Variants in MYO18B observed in about 807,000 individuals in gnomAD.
The protein encoded by MYO18B is unconventional myosin-XVIIIb.
MYO18B carries 204 observed loss-of-function variants against 273.0 expected under a neutral mutation model. That is an observed-to-expected ratio of 0.75 (90% CI 0.67 to 0.84). The LOEUF (loss-of-function observed/expected upper bound fraction) is 0.84, where lower values mean the gene tolerates loss of function less well. Ranked by LOEUF, MYO18B falls within the 40% of genes least tolerant of loss-of-function variation. The probability of loss-of-function intolerance (pLI) is 0.00; values close to 1 mark genes in which losing one functional copy is unlikely to be tolerated. For missense variants in MYO18B, 3,212 were observed against 3,287.6 expected (o/e 0.98, Z 0.56); for synonymous variants, 1,330 against 1,305.7 (o/e 1.02, Z -0.40).
Position 25,790,607 on chromosome 22 carries a change from G to A in MYO18B, c.2376+5116G>A, listed in dbSNP as rs140346699. ...TAGCACTCAGCCAGGCATACAGCAA[G>A]TGCTCAGTAAAGGTATGTTGAGTAA... On this transcript the variant is annotated intron_variant, in intron 11 of 43. Coordinates refer to ENST00000335473, the MANE Select transcript of MYO18B (RefSeq NM_032608.7). 9.8e-5 allele frequency among the ~76,000 whole-genome samples: 15 copies of A among 152,350 alleles called. 2 individuals carry two copies. The East Asian group carries it at 2.9e-3, about 29-fold the overall frequency.
rs548471382 is a variant in MYO18B, at chr22:25,952,164, C to T, written c.5833-122C>T. ...GTGCAGACATTTAACATGCAGCACA[C>T]CTGAGTAGAGAAGGAGGTGGTGTGA... On this transcript the variant is annotated intron_variant, in intron 37 of 43. Transcript: ENST00000335473. 20 of 1,126,208 alleles carry T rather than the reference C, an allele frequency of 1.8e-5. No individual in the cohort carries two copies. The East Asian group carries it at 5.2e-4, about 29-fold the overall frequency. The allele number at this position is 1,126,208 out of a possible 1,614,324, so 69.8% of individuals were successfully genotyped here.
At chr22:25,853,426 C>T (rs1283437766) in intron 21 of MYO18B, among the ~76,000 whole-genome samples, 6 of 152,222 alleles carry the variant, frequency 3.9e-5, no homozygotes, top group Non-Finnish European at 8.8e-5. Flanking sequence ...GAGGGGACAT[C>T]ACCCCCAGAT....
chr22:25,899,918 C>T (rs971371291), intron 29 of MYO18B: 3 of 152,104 alleles, frequency 2.0e-5, no homozygotes, highest in African/African-American at 7.3e-5. Flanking sequence ...CCATCATTCC[C>T]CAAGTTTCTC....
intron 37 of MYO18B, among the ~76,000 whole-genome samples, chr22:25,951,878 T>C (rs882432): frequency 0.83 from 125,815 of 152,160 alleles, 52,958 homozygotes; most frequent in Middle Eastern, 0.96. Flanking sequence ...ACTGACTTTC[T>C]CAGACTCACA....
At chr22:25,974,601 A>G (rs2093069264) in intron 39 of MYO18B, among the ~76,000 whole-genome samples, 1 of 152,228 alleles carries the variant, frequency 6.6e-6, no homozygotes, top group Non-Finnish European at 1.5e-5. Flanking sequence ...TCATTATAGC[A>G]TGAAAGAAGC....
At chr22:25,981,211 C>T (rs1009533041) in intron 39 of MYO18B, among the ~76,000 whole-genome samples, 6 of 152,238 alleles carry the variant, frequency 3.9e-5, no homozygotes, top group African/African-American at 1.2e-4. Flanking sequence ...GGGATTAAGA[C>T]TTCAACCTGT....
intron 34 of MYO18B, among the ~76,000 whole-genome samples, chr22:25,942,596 G>T (rs956574035): frequency 1.3e-5 from 2 of 152,216 alleles, no homozygotes; most frequent in African/African-American, 4.8e-5. Flanking sequence ...GACCAGCTCT[G>T]TGATGGTGAA....
At position 25,768,468 on chromosome 22, in the gene MYO18B, C is replaced by T. The variant is rs1238038961; in HGVS notation, c.552C>T (p.Ala184=). 6.2e-7 allele frequency: 1 copy of T among 1,602,630 alleles called. No individual in the cohort carries two copies. Among genetic ancestry groups the T allele is most frequent in the Admixed American group, 1.7e-5 (1 of 59,396 alleles). ...CCCCTTGCAAGACCTCTCCCCCCGC[C>T]ACAGATACTGGAAAGGAAAAGAAAG... The part of the protein sequence containing the change: ...DAPPCKTSPP[A]TDTGKEKKGE... The change falls in exon 4 of 44, where the codon GCC becomes GCT. Residue 184 remains alanine (A), a synonymous_variant. Transcript: ENST00000335473.
intron 42 of MYO18B, among the ~76,000 whole-genome samples, chr22:26,011,013 A>G (rs1281799008): frequency 6.6e-6 from 1 of 150,436 alleles, no homozygotes; most frequent in Admixed American, 6.6e-5. Flanking sequence ...CATAAAACCC[A>G]TCAACCTGGC....
Position 25,883,062 on chromosome 22 carries a change from GT to G in MYO18B, c.4314+5022del, listed in dbSNP as rs907074807. On this transcript the variant is annotated intron_variant, in intron 25 of 43. Transcript: ENST00000335473. The surrounding 1 kb of genome is among the most constrained non-coding windows in gnomAD (Gnocchi z 7.6). Reference sequence around the variant, plus strand: ...CAGGCGTGCATCACCATGCCTGGCTGTTTTTTTTCAATTTTGGTAGAGATGG... The same window carrying G: ...CAGGCGTGCATCACCATGCCTGGCTGTTTTTTTCAATTTTGGTAGAGATGG... Among the ~76,000 whole-genome samples the G allele has an allele frequency of 3.3e-5, 5 of 151,508 alleles. No individual in the cohort carries two copies. The highest frequency in any genetic ancestry group is 4.9e-5 in the African/African-American group (2 of 41,188).
At chr22:26,026,296 A>T in intron 42 of MYO18B, 149 bp from the exon 43 acceptor site, 1 of 950,816 alleles carries the variant, frequency 1.1e-6, no homozygotes, top group Non-Finnish European at 1.6e-6. Flanking sequence ...TTTGCACATT[A>T]AATCATATGG....
chr22:25,802,909 A>T (rs2088281340), intron 12 of MYO18B, among the ~76,000 whole-genome samples: 1 of 151,698 alleles, frequency 6.6e-6, no homozygotes, highest in African/African-American at 2.4e-5. Flanking sequence ...GAATGCAATC[A>T]TGTAATATGT....
rs534345300 is a variant in MYO18B, at chr22:25,784,642, G to A, written c.2313-786G>A. On this transcript the variant is annotated intron_variant, in intron 10 of 43. Coordinates refer to ENST00000335473, the MANE Select transcript of MYO18B (RefSeq NM_032608.7). ...ATCCCCACTTTCCAGGAACCAATTT[G>A]AACCAACGTGGGATTGGGGATCCTA... 6.7e-4 allele frequency among the ~76,000 whole-genome samples: 102 copies of A among 152,326 alleles called. 3 individuals carry two copies. The South Asian group carries it at 0.02, about 31-fold the overall frequency.
chr22:25,899,093 C>T (rs1467468726), intron 29 of MYO18B: 1 of 152,502 alleles, frequency 6.6e-6, no homozygotes, highest in Non-Finnish European at 1.5e-5. Context: ...GAGACTGGGC[C>T]TTGTGCACCA....
chr22:25,833,462 G>A (rs191427746), intron 16 of MYO18B, among the ~76,000 whole-genome samples: 11 of 152,196 alleles, frequency 7.2e-5, no homozygotes, highest in Admixed American at 1.3e-4. Context: ...GCAGACAGGC[G>A]TTAGTTTGAG....
In MYO18B at chr22:25,891,712, T is replaced by C. The variant is rs573090847; in HGVS notation, c.4543+300T>C. On this transcript the variant is annotated intron_variant, in intron 27 of 43. Transcript: ENST00000335473. Reference sequence around the variant, plus strand: ...GCTTTATGGGCAAGGTACTTTTATGTTTATGTGAATATTTTAAAAATAAAT... The same window carrying C: ...GCTTTATGGGCAAGGTACTTTTATGCTTATGTGAATATTTTAAAAATAAAT... Among the ~76,000 whole-genome samples, 15 of 152,314 alleles carry C rather than the reference T, an allele frequency of 9.8e-5. No homozygotes were observed. In the South Asian group the frequency reaches 3.1e-3, roughly 32 times the overall value.
intron 39 of MYO18B, among the ~76,000 whole-genome samples, chr22:25,971,196 A>G (rs2093033226): frequency 6.6e-6 from 1 of 152,268 alleles, no homozygotes; most frequent in Admixed American, 6.5e-5. Flanking sequence ...TTTATTTAGA[A>G]AAACAGATGG....
At chr22:25,799,909 A>G (rs1338445133) in intron 12 of MYO18B, among the ~76,000 whole-genome samples, 1 of 152,216 alleles carries the variant, frequency 6.6e-6, no homozygotes, top group Non-Finnish European at 1.5e-5. Context: ...CACAATGGCA[A>G]AGATATGGAA....
intron 30 of MYO18B, 128 bp from the exon 31 acceptor site, chr22:25,903,503 G>C: frequency 1.1e-6 from 1 of 938,684 alleles, no homozygotes; most frequent in South Asian, 1.7e-5. Flanking sequence ...GTGGGGTCCA[G>C]GTGGAAATGG....
Sources: gnomAD v4.1 joint callset for allele counts (sites outside exome capture counted in the v4.1 genomes callset) on GRCh38, gnomAD v4.1.1 for gene constraint, Gnocchi (gnomAD v3.1) non-coding constraint, MANE v1.5 for transcripts, NCBI Gene and HGNC (gene_info 2026-07-23, HGNC 2026-07-21) for gene names.